UCHL1: variants seen among roughly 807,000 people sequenced by gnomAD.
UCHL1 encodes ubiquitin carboxyl-terminal hydrolase isozyme L1.
In UCHL1, 5 loss-of-function variants were observed where a neutral mutation model predicts 33.3. The ratio of observed to expected loss-of-function variants is 0.15; its 90% confidence interval spans 0.08 to 0.32. The LOEUF (loss-of-function observed/expected upper bound fraction) is 0.32, where lower values mean the gene tolerates loss of function less well. UCHL1 is among the 10% of genes least tolerant of loss of function. The pLI is 1.00. For missense variants in UCHL1, 236 were observed against 280.0 expected (o/e 0.84, Z 1.12); for synonymous variants, 132 against 108.8 (o/e 1.21, Z -1.33).
intron 7 of UCHL1, among the ~76,000 whole-genome samples, chr4:41,263,653 A>G (rs904205487): frequency 6.6e-6 from 1 of 152,238 alleles, no homozygotes; most frequent in Admixed American, 6.5e-5. Flanking sequence ...TTCCTTTTGT[A>G]TTAATGGAGA....
chr4:41,257,783 C>G (rs186349613), intron 3 of UCHL1, 46 bp downstream of exon 3: 5 of 1,535,762 alleles, frequency 3.3e-6, no homozygotes, highest in African/African-American at 2.8e-5. Flanking sequence ...CAGTGCACGC[C>G]GCTCCCCAGC....
intron 6 of UCHL1, 78 bp downstream of exon 6, chr4:41,262,001 A>G: frequency 6.4e-7 from 1 of 1,569,492 alleles, no homozygotes; most frequent in East Asian, 2.3e-5. Flanking sequence ...GGAATCTCTT[A>G]CTGGAACACA....
rs1257244327 is a variant in UCHL1 at position 41,257,735 on chromosome 4, C to CAGGTAG, written c.173_174+4dup. 1 of 1,575,552 alleles carries CAGGTAG rather than the reference C, an allele frequency of 6.3e-7. No homozygotes were observed. Among genetic ancestry groups the CAGGTAG allele is most frequent in the Non-Finnish European group, 8.6e-7 (1 of 1,165,418 alleles). The stretch of plus-strand genomic sequence containing the variant: ...GCTGCTGCTGTTTCCCCTCACGGCC[C>CAGGTAG]AGGTAGGGCGTGGGGCCCAGGATGC... On this transcript the variant is annotated inframe_insertion and splice_region_variant, in exon 3 of 9. Coordinates refer to ENST00000284440, the MANE Select transcript of UCHL1 (RefSeq NM_004181.5).
chr4:41,257,288 T>G, intron 2 of UCHL1, 162 bp downstream of exon 2: 1 of 1,198,428 alleles, frequency 8.3e-7, no homozygotes, highest in Non-Finnish European at 1.1e-6. Flanking sequence ...GCCCCTGCAT[T>G]TAGCGGGTGA....
At chr4:41,258,035 G>A (rs1781011898) in intron 3 of UCHL1, among the ~76,000 whole-genome samples, 1 of 152,168 alleles carries the variant, frequency 6.6e-6, no homozygotes, top group Non-Finnish European at 1.5e-5. Context: ...GAGTTCCCTC[G>A]AACTTGGGCT....
chr4:41,265,130 C>A (rs573783308), intron 8 of UCHL1, among the ~76,000 whole-genome samples: 3 of 152,188 alleles, frequency 2.0e-5, no homozygotes, highest in African/African-American at 4.8e-5. Flanking sequence ...AGTTTACTGA[C>A]CCCTCTTCTT....
chr4:41,264,522 A>G (rs1781123856), intron 8 of UCHL1: 1 of 351,214 alleles, frequency 2.8e-6, no homozygotes, highest in Admixed American at 4.3e-5. Context: ...TAATCCCTCT[A>G]AGACAACGGG....
chr4:41,262,689 G>A (rs1179950923), intron 6 of UCHL1, among the ~76,000 whole-genome samples: 1 of 151,712 alleles, frequency 6.6e-6, no homozygotes, highest in Admixed American at 6.6e-5. Flanking sequence ...ATGCAGTGGT[G>A]TGATCTTGGC....
intron 3 of UCHL1, among the ~76,000 whole-genome samples, chr4:41,259,384 A>G (rs1330313207): frequency 6.6e-6 from 1 of 152,218 alleles, no homozygotes; most frequent in African/African-American, 2.4e-5. Context: ...AAGCAGCCCT[A>G]AAGGATGGTG....
At position 41,256,990 on chromosome 4, in the gene UCHL1, C is replaced by G. The variant is rs991106482; in HGVS notation, c.14C>G (p.Pro5Arg). The change falls in exon 1 of 9, where the codon CCG (proline) becomes CGG (arginine). Residue 5 changes from proline (P) to arginine (R), a missense_variant. Coordinates refer to ENST00000284440, the MANE Select transcript of UCHL1 (RefSeq NM_004181.5). ...CGCTCCGCGAAGATGCAGCTCAAGC[C>G]GATGGAGATCAACCCCGAGGTGAGC... MQLK[P>R]MEINPEMLNK... The G allele has an allele frequency of 3.1e-6, 5 of 1,614,168 alleles. No individual in the cohort carries two copies. The highest frequency in any genetic ancestry group is 3.4e-6 in the Non-Finnish European group (4 of 1,180,016).
chr4:41,265,422 A>G (rs1389439798), intron 8 of UCHL1, among the ~76,000 whole-genome samples: 2 of 152,152 alleles, frequency 1.3e-5, no homozygotes, highest in African/African-American at 4.8e-5. Context: ...TACTAAAAAT[A>G]TAAAAATTAG....
intron 8 of UCHL1, 83 bp downstream of exon 8, chr4:41,264,244 C>G: frequency 6.5e-7 from 1 of 1,549,170 alleles, no homozygotes; most frequent in East Asian, 2.2e-5. Context: ...AACACTCTTC[C>G]AGTATAGCCA....
intron 8 of UCHL1, among the ~76,000 whole-genome samples, 180 bp from the exon 9 acceptor site, chr4:41,267,807 T>C (rs1781178085): frequency 1.3e-5 from 2 of 152,200 alleles, no homozygotes; most frequent in South Asian, 2.1e-4. Flanking sequence ...AAATCCATGA[T>C]GTAACCTTGT....
chr4:41,267,985 A>G lies in UCHL1; in HGVS notation c.586-2A>G, dbSNP rs1360526788. 1 of 1,612,668 alleles carries G rather than the reference A, an allele frequency of 6.2e-7. No individual in the cohort carries two copies. The highest frequency in any genetic ancestry group is 8.5e-7 in the Non-Finnish European group (1 of 1,179,378). On this transcript the variant is annotated splice_acceptor_variant, in intron 8 of 8. Coordinates refer to ENST00000284440, the MANE Select transcript of UCHL1 (RefSeq NM_004181.5). LOFTEE classifies it high-confidence loss of function. ...GATTTTAATGACATTTCTCCTTTCCAGGACGCTGCCAAGGTCTGCAGAGAA... is the reference window on the plus strand; with the variant it reads ...GATTTTAATGACATTTCTCCTTTCCGGGACGCTGCCAAGGTCTGCAGAGAA...
At chr4:41,267,933 A>G in intron 8 of UCHL1, 54 bp from the exon 9 acceptor site, 3 of 1,434,962 alleles carry the variant, frequency 2.1e-6, no homozygotes, top group Non-Finnish European at 2.9e-6. Context: ...TCCCTATGTG[A>G]CTTTCATTTT....
chr4:41,257,766 C>T (rs1257977687), intron 3 of UCHL1, 29 bp downstream of exon 3: 2 of 1,550,588 alleles, frequency 1.3e-6, no homozygotes, highest in Middle Eastern at 2.2e-4. Context: ...GATGCGCCGG[C>T]CGCCGGCAGT....
At chr4:41,260,575 T>G in intron 3 of UCHL1, 72 bp from the exon 4 acceptor site, 1 of 1,557,106 alleles carries the variant, frequency 6.4e-7, no homozygotes, top group Non-Finnish European at 8.8e-7. Flanking sequence ...ATTTAGTTGG[T>G]AGAACTCATG....
At chr4:41,266,838 C>T (rs1290540305) in intron 8 of UCHL1, among the ~76,000 whole-genome samples, 1 of 152,098 alleles carries the variant, frequency 6.6e-6, no homozygotes, top group Non-Finnish European at 1.5e-5. Flanking sequence ...AACTCCTGAG[C>T]TCAAGTCATC....
Position 41,257,712 on chromosome 4 carries a change from T to G in UCHL1, c.149T>G (p.Leu50Arg). 6.3e-7 allele frequency: 1 copy of G among 1,581,582 alleles called. No homozygotes were observed. Among genetic ancestry groups the G allele is most frequent in the Non-Finnish European group, 8.6e-7 (1 of 1,167,452 alleles). Reference sequence around the variant, plus strand: ...GTGCCAGCGCCTGCCTGCGCGCTGCTGCTGCTGTTTCCCCTCACGGCCCAG... The same window carrying G: ...GTGCCAGCGCCTGCCTGCGCGCTGCGGCTGCTGTTTCCCCTCACGGCCCAG... ...GSVPAPACALLLLFPLTAQHE... is the reference protein window; with the variant it reads ...GSVPAPACALRLLFPLTAQHE... The change falls in exon 3 of 9, where the codon CTG (leucine) becomes CGG (arginine). Residue 50 changes from leucine to arginine, a missense_variant. Leu to Arg is a moderately radical substitution (Grantham distance 102). Coordinates refer to ENST00000284440, the MANE Select transcript of UCHL1 (RefSeq NM_004181.5).
Sources: gnomAD v4.1 joint callset for allele counts (sites outside exome capture counted in the v4.1 genomes callset) on GRCh38, gnomAD v4.1.1 for gene constraint, MANE v1.5 for transcripts, NCBI Gene and HGNC (gene_info 2026-07-23, HGNC 2026-07-21) for gene names.